ZNF800: variants seen among roughly 807,000 people sequenced by gnomAD.
The protein encoded by ZNF800 is zinc finger protein 800.
Under a neutral mutation model 59.5 loss-of-function variants are expected in ZNF800, and 13 were observed. The observed-to-expected ratio is 0.22, with a 90% confidence interval of 0.14 to 0.35. The LOEUF is 0.35. ZNF800 is among the 10% of genes least tolerant of loss of function. The pLI is 1.00. For missense variants in ZNF800, 621 were observed against 783.7 expected (o/e 0.79, Z 2.48); for synonymous variants, 266 against 265.7 (o/e 1.00, Z -0.01).
intron 2 of ZNF800, among the ~76,000 whole-genome samples, chr7:127,388,237 A>G (rs1453842088): frequency 2.0e-5 from 3 of 152,168 alleles, no homozygotes; most frequent in Admixed American, 6.5e-5. Context: ...TATCATCAAC[A>G]TGTACCCATC....
chr7:127,347,251 G>A (rs1800082442), exon 2 of ZNF800: 1 of 152,376 alleles, frequency 6.6e-6, no homozygotes, highest in African/African-American at 2.4e-5. Flanking sequence ...GGGACTGGAT[G>A]TTGGAGTTCA....
downstream of ZNF800, among the ~76,000 whole-genome samples, chr7:127,368,074 C>T (rs1800550485): frequency 6.6e-6 from 1 of 151,934 alleles, no homozygotes; most frequent in South Asian, 2.1e-4. Flanking sequence ...ATACTCTTAC[C>T]CTTCCAAAAA....
intron 4 of ZNF800, among the ~76,000 whole-genome samples, chr7:127,376,793 A>C (rs1800799250): frequency 6.6e-6 from 1 of 152,014 alleles, no homozygotes; most frequent in Admixed American, 6.6e-5. Flanking sequence ...GGGAATCTAA[A>C]TAAGTGATCA....
intron 3 of ZNF800, among the ~76,000 whole-genome samples, chr7:127,378,115 A>C (rs1035249510): frequency 6.6e-6 from 1 of 152,124 alleles, no homozygotes; most frequent in African/African-American, 2.4e-5. Context: ...CAAAGCAGCC[A>C]AGAATAAGCC....
At chr7:127,378,479 T>C (rs1222973927) in intron 3 of ZNF800, among the ~76,000 whole-genome samples, 2 of 151,982 alleles carry the variant, frequency 1.3e-5, no homozygotes, top group African/African-American at 4.8e-5. Context: ...CCCTGAAAAA[T>C]ATCCTTAAGA....
chr7:127,373,655 T>C lies in ZNF800; in HGVS notation c.1681A>G (p.Ile561Val). The C allele has an allele frequency of 1.2e-6, 2 of 1,614,158 alleles. No homozygotes were observed. The highest frequency in any genetic ancestry group is 1.1e-5 in the South Asian group (1 of 91,080). Residue 561 changes from isoleucine to valine, a missense_variant, in exon 5 of 6, where the codon ATA becomes GTA. Ile to Val is a conservative substitution (Grantham distance 29). Transcript: ENST00000265827. The stretch of plus-strand genomic sequence containing the variant: ...AGAACAAAATCAATAGGCTTTTTTA[T>C]AGCTCTGATCTCTAAACTGGCTGTT... ...KITASLEIRAIKKPIDFVLNK... is the reference protein window; with the variant it reads ...KITASLEIRAVKKPIDFVLNK...
rs141987989 is a variant in ZNF800, at chr7:127,374,506, C to T, written c.830G>A (p.Arg277His). Residue 277 changes from arginine (R) to histidine (H), a missense_variant, in exon 5 of 6, where the codon CGC becomes CAC. This residue lies in a region of ZNF800 where 218 missense variants were observed against 230.8 expected (regional missense o/e 0.94). Transcript: ENST00000265827. ...RKNPNQSSKGRSKNVLVPLSR... is the reference protein window; with the variant it reads ...RKNPNQSSKGHSKNVLVPLSR... ...TAATGGAACTAGAACATTCTTACTG[C>T]GTCCTTTAGAGGATTGGTTTGGATT... 1.6e-4 allele frequency: 251 copies of T among 1,614,100 alleles called. No individual in the cohort carries two copies. In the African/African-American group the frequency reaches 2.9e-3, roughly 19 times the overall value.
At chr7:127,355,622 G>C (rs1264814472) in intron 1 of ZNF800, among the ~76,000 whole-genome samples, 8 of 152,032 alleles carry the variant, frequency 5.3e-5, no homozygotes, top group South Asian at 4.1e-4. Context: ...TTCAAGCAAG[G>C]AGAGTCAGTT....
At chr7:127,379,852 A>ACCCCCCCCC (rs1562907479) in intron 3 of ZNF800, among the ~76,000 whole-genome samples, 1 of 16,164 alleles carries the variant, frequency 6.2e-5, no homozygotes, top group Non-Finnish European at 1.2e-4. Flanking sequence ...CCACCCCCCC[A>ACCCCCCCCC]CCCCCCCCAC....
At chr7:127,359,328 A>T (rs1448747020) in intron 1 of ZNF800, among the ~76,000 whole-genome samples, 3 of 152,114 alleles carry the variant, frequency 2.0e-5, no homozygotes, top group East Asian at 1.9e-4. Flanking sequence ...GCTTCCTATG[A>T]TCAACCCAGT....
intron 1 of ZNF800, chr7:127,359,907 C>A (rs1800362433): frequency 8.3e-6 from 1 of 120,292 alleles, no homozygotes; most frequent in East Asian, 2.7e-4. Flanking sequence ...AACAGATACA[C>A]CACACTTAAA....
rs1210239809 is a variant in ZNF800 at position 127,392,127 on chromosome 7, G to C, written c.-126C>G. 5.1e-6 allele frequency: 2 copies of C among 394,242 alleles called. No homozygotes were observed. Among genetic ancestry groups the C allele is most frequent in the African/African-American group, 2.1e-5 (1 of 48,352 alleles). The allele number at this position is 394,242 out of a possible 1,614,324, so 24.4% of individuals were successfully genotyped here. On this transcript the variant is annotated 5_prime_UTR_variant, in exon 1 of 6. Coordinates refer to ENST00000265827, the MANE Select transcript of ZNF800 (RefSeq NM_176814.5). ...GGCAGGCCGGGCGGCCGCGGGGACA[G>C]CCTGGCGTGGGAGGCGGCTGCGGGC...
At chr7:127,353,604 G>A (rs555349116) in intron 1 of ZNF800, among the ~76,000 whole-genome samples, 12 of 152,156 alleles carry the variant, frequency 7.9e-5, no homozygotes, top group African/African-American at 2.7e-4. Flanking sequence ...ATAATACATT[G>A]AGAAGGCCTG....
chr7:127,386,779 G>A (rs1801147960), intron 2 of ZNF800, among the ~76,000 whole-genome samples: 1 of 152,200 alleles, frequency 6.6e-6, no homozygotes, highest in Non-Finnish European at 1.5e-5. Flanking sequence ...CCATAGGACA[G>A]ACTTTTTCAT....
At chr7:127,354,590 G>C (rs979569286) in intron 1 of ZNF800, among the ~76,000 whole-genome samples, 2 of 152,096 alleles carry the variant, frequency 1.3e-5, no homozygotes, top group African/African-American at 2.4e-5. Flanking sequence ...GAAAGTCCAA[G>C]AAATTGGTAA....
Position 127,374,834 on chromosome 7 carries a change from C to T in ZNF800, c.502G>A (p.Val168Ile), listed in dbSNP as rs1364977389. 6 of 1,613,438 alleles carry T rather than the reference C, an allele frequency of 3.7e-6. No individual in the cohort carries two copies. The highest frequency in any genetic ancestry group is 5.1e-6 in the Non-Finnish European group (6 of 1,179,732). ...TCAGTGCTAGTTTCCTGTATCTGAA[C>T]TTCGGTTTGTTCAGGAGTACTGCTT... is the stretch of plus-strand genomic sequence containing the variant. ...ESSSTPEQTE[V>I]QIQETSTEQS... The change falls in exon 5 of 6, where the codon GTT becomes ATT. Residue 168 changes from valine to isoleucine, a missense_variant. Coordinates refer to ENST00000265827, the MANE Select transcript of ZNF800 (RefSeq NM_176814.5).
Position 127,352,485 on chromosome 7 carries a change from T to C in ZNF800, n.225-4442A>G, listed in dbSNP as rs17865000. On this transcript the variant is annotated intron_variant and non_coding_transcript_variant, in intron 1 of 1. Transcript: ENST00000485577. ...CATATTGAACAATATCTGGTCTGAG[T>C]GGCAGTTGCATTCCTATGGGGAAGA... Among the ~76,000 whole-genome samples, 1,069 of 152,370 alleles carry C rather than the reference T, an allele frequency of 7.0e-3. 16 individuals carry two copies. The highest frequency in any genetic ancestry group is 0.024 in the African/African-American group (1,019 of 41,592).
chr7:127,366,233 T>C (rs6954165), downstream of ZNF800, among the ~76,000 whole-genome samples: 5,130 of 152,176 alleles, frequency 0.034, 290 homozygotes, highest in African/African-American at 0.12. Flanking sequence ...GGATGCTCGA[T>C]AGTGTCTGTC....
rs769901886 is a variant in ZNF800 at position 127,391,479 on chromosome 7, G to A, written c.61+18C>T. On this transcript the variant is annotated intron_variant, in intron 2 of 5. Transcript: ENST00000265827. ...CTCTGATGGAGGGCAAAGCAACTGC[G>A]GACGAAGAGGGGTCTACCTGGTTCA... is the stretch of plus-strand genomic sequence containing the variant. 2.5e-6 allele frequency: 4 copies of A among 1,613,666 alleles called. No homozygotes were observed. The highest frequency in any genetic ancestry group is 2.7e-5 in the African/African-American group (2 of 74,888).
Sources: gnomAD v4.1 joint callset for allele counts (sites outside exome capture counted in the v4.1 genomes callset) on GRCh38, gnomAD v4.1.1 for gene constraint, gnomAD v4.1.1 regional missense constraint, MANE v1.5 for transcripts, NCBI Gene and HGNC (gene_info 2026-07-23, HGNC 2026-07-21) for gene names.